CDKN3: variants seen among roughly 807,000 people sequenced by gnomAD.
The protein encoded by CDKN3 is cyclin dependent kinase inhibitor 3, also known as cyclin-dependent kinase inhibitor 3.
A neutral mutation model predicts 36.1 loss-of-function variants in CDKN3; 19 were observed. The ratio of observed to expected loss-of-function variants is 0.53; its 90% confidence interval spans 0.37 to 0.77. The LOEUF is 0.77. CDKN3 is among the 30% of genes least tolerant of loss of function. The pLI, the probability that CDKN3 is intolerant of heterozygous loss-of-function variation, is 0.00. For synonymous variants in CDKN3, 71 were observed against 85.3 expected (o/e 0.83, Z 0.92); for missense variants, 188 against 248.6 (o/e 0.76, Z 1.64).
chr14:54,400,633 A>C (rs1014647893), intron 2 of CDKN3, among the ~76,000 whole-genome samples: 1 of 152,230 alleles, frequency 6.6e-6, no homozygotes, highest in Non-Finnish European at 1.5e-5. Flanking sequence ...TTCTTAAGAA[A>C]GCACTATCCC....
chr14:54,400,453 G>T (rs1443148505), intron 2 of CDKN3, among the ~76,000 whole-genome samples: 1 of 152,040 alleles, frequency 6.6e-6, no homozygotes, highest in Admixed American at 6.5e-5. Flanking sequence ...TCACAGTAAT[G>T]CATCTATCAA....
intron 4 of CDKN3, among the ~76,000 whole-genome samples, chr14:54,409,559 G>A (rs997746828): frequency 3.9e-5 from 6 of 152,130 alleles, no homozygotes; most frequent in Non-Finnish European, 7.4e-5. Flanking sequence ...CTGGTCAGGT[G>A]CAGTGGTTCA....
rs762825170 is a variant in CDKN3 at position 54,420,017 on chromosome 14, G to A, written c.578G>A (p.Arg193Gln). ...IKQYNYLHEF[R>Q]DKLAAHLSSR... ...CAATACAATTATCTTCATGAGTTTC[G>A]GGACAAATTAGCTGCACATCTATCA... Residue 193 changes from arginine (R) to glutamine (Q), a missense_variant, in exon 8 of 8, where the codon CGG becomes CAG. Coordinates refer to ENST00000335183, the MANE Select transcript of CDKN3 (RefSeq NM_005192.4). The A allele has an allele frequency of 2.1e-5, 33 of 1,607,786 alleles. No homozygotes were observed. The highest frequency in any genetic ancestry group is 4.0e-5 in the African/African-American group (3 of 74,622).
intron 5 of CDKN3, among the ~76,000 whole-genome samples, chr14:54,415,001 A>G (rs1430186244): frequency 6.6e-6 from 1 of 151,914 alleles, no homozygotes; most frequent in Non-Finnish European, 1.5e-5. Flanking sequence ...AGCTTTACCT[A>G]CAATACAATA....
rs146242011 is a variant in CDKN3 at position 54,418,171 on chromosome 14, A to C, written c.552+220A>C. 1.7e-4 allele frequency: 121 copies of C among 704,110 alleles called. 1 individual carries two copies. In the African/African-American group the frequency reaches 1.9e-3, roughly 11 times the overall value. The allele number at this position is 704,110 out of a possible 1,614,324, so 43.6% of individuals were successfully genotyped here. A position where few individuals can be genotyped will look rare whatever the true frequency, so the allele number is the denominator to read the frequency against. On this transcript the variant is annotated intron_variant, in intron 7 of 7. Transcript: ENST00000335183. Reference sequence around the variant, plus strand: ...GTCTAAAAAAGCACACAGGATTTCAAACAAGATAATGAAAATTTGAACTTC... The same window carrying C: ...GTCTAAAAAAGCACACAGGATTTCACACAAGATAATGAAAATTTGAACTTC...
In CDKN3 at chr14:54,418,269, C is replaced by T. The variant is rs1051842888; in HGVS notation, c.552+318C>T. The T allele has an allele frequency of 4.3e-6, 3 of 702,162 alleles. No individual in the cohort carries two copies. The African/African-American group carries it at 5.2e-5, about 12-fold the overall frequency. The allele number at this position is 702,162 out of a possible 1,614,324, so 43.5% of individuals were successfully genotyped here. On this transcript the variant is annotated intron_variant, in intron 7 of 7. Coordinates refer to ENST00000335183, the MANE Select transcript of CDKN3 (RefSeq NM_005192.4). ...TCCGTTTTGGGAATGGATCCTCTCA[C>T]CTAGGACAATGAGATGGTTATTGTT...
Position 54,411,946 on chromosome 14 carries a change from AGGTTACAAGC to A in CDKN3, c.416+241_416+250del. ...AGTAGATTTGGAAATTGTTAGAACA[AGGTTACAAGC>A]TTTTCTTTTTTATTTCTTTCCTTTA... On this transcript the variant is annotated intron_variant, in intron 5 of 7. Coordinates refer to ENST00000335183, the MANE Select transcript of CDKN3 (RefSeq NM_005192.4). 5.3e-6 allele frequency: 3 copies of A among 570,798 alleles called. No individual in the cohort carries two copies. The South Asian group carries it at 6.3e-5, about 12-fold the overall frequency. 35.4% of individuals were successfully genotyped at this position (570,798 alleles called of 1,614,324 possible).
chr14:54,417,642 C>G (rs1186573543), intron 6 of CDKN3, among the ~76,000 whole-genome samples: 1 of 152,126 alleles, frequency 6.6e-6, no homozygotes, highest in Admixed American at 6.5e-5. Context: ...AAGAATGAAG[C>G]CAGTGTTAAA....
rs555974637 is a variant in CDKN3, at chr14:54,412,121, C to T, written c.416+415C>T. 1.2e-4 allele frequency among the ~76,000 whole-genome samples: 19 copies of T among 152,280 alleles called. No homozygotes were observed. In the South Asian group the frequency reaches 3.7e-3, roughly 30 times the overall value. ...TTTGGCCAGGTGCAGTGGCTCGCGC[C>T]TGTAATCCCAGCATTTTGGGAGACT... is the stretch of plus-strand genomic sequence containing the variant. On this transcript the variant is annotated intron_variant, in intron 5 of 7. Transcript: ENST00000335183.
chr14:54,413,771 T>C (rs2030438861), intron 5 of CDKN3: 2 of 1,452,096 alleles, frequency 1.4e-6, no homozygotes, highest in Non-Finnish European at 1.8e-6. Flanking sequence ...TGGTTCTGCC[T>C]GGACATTTGC....
chr14:54,410,192 A>G (rs1293629967), intron 4 of CDKN3, among the ~76,000 whole-genome samples: 1 of 152,198 alleles, frequency 6.6e-6, no homozygotes, highest in Non-Finnish European at 1.5e-5. Context: ...AATCCAGTAC[A>G]TAAAACAGGT....
intron 4 of CDKN3, 146 bp from the exon 5 acceptor site, chr14:54,411,338 A>G (rs2030345591): frequency 3.2e-6 from 2 of 623,044 alleles, no homozygotes; most frequent in South Asian, 4.1e-5. Flanking sequence ...TGATTCAGAC[A>G]TATCAATAGG....
chr14:54,400,924 C>T (rs979761573), intron 2 of CDKN3, among the ~76,000 whole-genome samples: 7 of 152,114 alleles, frequency 4.6e-5, no homozygotes, highest in African/African-American at 4.8e-5. Flanking sequence ...GAAATTATAT[C>T]TGTTAAGGAA....
chr14:54,402,909 A>AT (rs745868274), intron 3 of CDKN3, among the ~76,000 whole-genome samples: 88 of 152,266 alleles, frequency 5.8e-4, no homozygotes, highest in Non-Finnish European at 9.4e-4. Flanking sequence ...ATTGGTCTAT[A>AT]TATCTGTTTT....
intron 3 of CDKN3, among the ~76,000 whole-genome samples, chr14:54,403,199 ATTTG>A (rs1398562219): frequency 1.3e-5 from 2 of 152,098 alleles, no homozygotes; most frequent in East Asian, 3.9e-4. Context: ...ATGTTTTTCC[ATTTG>A]TTTGTGTCCT....
chr14:54,416,537 G>A (rs72711664), intron 6 of CDKN3, among the ~76,000 whole-genome samples: 3 of 152,240 alleles, frequency 2.0e-5, no homozygotes, highest in Non-Finnish European at 2.9e-5. Flanking sequence ...AAGATAGGCC[G>A]GGCGTCGTGG....
At chr14:54,405,370 G>C (rs965583682) in intron 3 of CDKN3, among the ~76,000 whole-genome samples, 2 of 152,140 alleles carry the variant, frequency 1.3e-5, no homozygotes, top group African/African-American at 4.8e-5. Context: ...TTGGTCCAGA[G>C]CTGAGTTCAA....
At chr14:54,407,999 TTATC>T (rs2030220439) in intron 3 of CDKN3, among the ~76,000 whole-genome samples, 1 of 152,224 alleles carries the variant, frequency 6.6e-6, no homozygotes, top group South Asian at 2.1e-4. Context: ...CACATTTTCT[TTATC>T]TACTCATTAA....
At chr14:54,401,175 A>C (rs2139967018) in intron 2 of CDKN3, among the ~76,000 whole-genome samples, 1 of 152,238 alleles carries the variant, frequency 6.6e-6, no homozygotes, top group East Asian at 1.9e-4. Flanking sequence ...ACAGGATTTC[A>C]CCTTGTTGTC....
Sources: gnomAD v4.1 joint callset for allele counts (sites outside exome capture counted in the v4.1 genomes callset) on GRCh38, gnomAD v4.1.1 for gene constraint, MANE v1.5 for transcripts, NCBI Gene and HGNC (gene_info 2026-07-23, HGNC 2026-07-21) for gene names.